The following FAM53A variants were observed in gnomAD, a reference collection of about 807,000 sequenced individuals.
FAM53A encodes the protein protein FAM53A.
FAM53A carries 28 observed loss-of-function variants against 26.6 expected under a neutral mutation model. The ratio of observed to expected loss-of-function variants is 1.05; its 90% CI spans 0.78 to 1.45. The LOEUF (loss-of-function observed/expected upper bound fraction) is 1.45. Ranked by LOEUF, FAM53A falls within the 40% of genes most tolerant of loss-of-function variation. FAM53A has a pLI of 0.00. For synonymous variants in FAM53A, 290 were observed against 253.1 expected (o/e 1.15, Z -1.38); for missense variants, 650 against 575.8 (o/e 1.13, Z -1.32).
At chr4:1,676,261 G>T (rs1393708306) in intron 1 of FAM53A, among the ~76,000 whole-genome samples, 1 of 152,110 alleles carries the variant, frequency 6.6e-6, no homozygotes, top group Non-Finnish European at 1.5e-5. Context: ...CTCCCTCCCG[G>T]CTCTGGCATC....
At chr4:1,683,368 T>C (rs1356538042) in intron 1 of FAM53A, 1 of 152,236 alleles carries the variant, frequency 6.6e-6, no homozygotes. Flanking sequence ...TCAGGTTAAA[T>C]TTCTTAAATA....
chr4:1,684,722 G>A (rs1202833207), upstream of FAM53A, among the ~76,000 whole-genome samples: 1 of 151,758 alleles, frequency 6.6e-6, no homozygotes, highest in Non-Finnish European at 1.5e-5. Flanking sequence ...CGGGGCCCGA[G>A]GCTCGCCGCC....
the FAM53A span, among the ~76,000 whole-genome samples, chr4:1,607,565 C>T: frequency 1.3e-5 from 2 of 151,836 alleles, no homozygotes; most frequent in South Asian, 4.2e-4. Context: ...TCCATTCGGG[C>T]CTAAGTGAGG....
the FAM53A span, among the ~76,000 whole-genome samples, chr4:1,578,831 G>C: frequency 3.3e-4 from 14 of 42,760 alleles, no homozygotes; most frequent in Non-Finnish European, 5.0e-5. Flanking sequence ...GAGGGGGAGG[G>C]GAGAGAAGAG....
chr4:1,599,004 G>A, the FAM53A span, among the ~76,000 whole-genome samples: 1 of 152,254 alleles, frequency 6.6e-6, no homozygotes, highest in South Asian at 2.1e-4. This position sits in a 1 kb window ranked among gnomAD's most constrained non-coding sequence, Gnocchi z 6.1. Context: ...GTGCGTGCGG[G>A]TGCAGCACCG....
intron 2 of FAM53A, among the ~76,000 whole-genome samples, chr4:1,660,730 T>C (rs1360753466): frequency 6.6e-6 from 1 of 151,446 alleles, no homozygotes; most frequent in Non-Finnish European, 1.5e-5. Flanking sequence ...CTACTAAAAA[T>C]ACAAAAAAAT....
At chr4:1,590,699 C>T in the FAM53A span, among the ~76,000 whole-genome samples, 1 of 151,544 alleles carries the variant, frequency 6.6e-6, no homozygotes, top group Non-Finnish European at 1.5e-5. Flanking sequence ...TAGCACATGG[C>T]CTGTTTTTGT....
the FAM53A span, among the ~76,000 whole-genome samples, chr4:1,583,208 G>C: frequency 6.6e-6 from 1 of 151,750 alleles, no homozygotes; most frequent in Admixed American, 6.5e-5. Flanking sequence ...AGAGGCTGTC[G>C]AGAGTGCACT....
the FAM53A span, among the ~76,000 whole-genome samples, chr4:1,576,743 C>G: frequency 6.6e-6 from 1 of 152,250 alleles, no homozygotes; most frequent in Non-Finnish European, 1.5e-5. Flanking sequence ...GGTCCACATT[C>G]TGGAGAGGTG....
intron 4 of FAM53A, chr4:1,644,555 C>T (rs1052517015): frequency 6.7e-5 from 36 of 538,438 alleles, no homozygotes; most frequent in African/African-American, 9.6e-5. Flanking sequence ...GCCACCCATC[C>T]GCCTCGCGCC....
downstream of FAM53A, among the ~76,000 whole-genome samples, chr4:1,617,667 T>G (rs1245375985): frequency 1.3e-5 from 2 of 152,196 alleles, no homozygotes; most frequent in East Asian, 1.9e-4. Context: ...CCATTTCTGT[T>G]CCGAGACCTG....
chr4:1,680,162 AT>A (rs1715320904), intron 1 of FAM53A, among the ~76,000 whole-genome samples: 1 of 151,670 alleles, frequency 6.6e-6, no homozygotes, highest in African/African-American at 2.4e-5. Flanking sequence ...TCTACTAAAA[AT>A]ACAAAATTAG....
At chr4:1,582,850 C>G in the FAM53A span, among the ~76,000 whole-genome samples, 1 of 152,148 alleles carries the variant, frequency 6.6e-6, no homozygotes, top group Admixed American at 6.6e-5. Context: ...GAGACCCTGT[C>G]TCAACTAAAG....
chr4:1,635,471 G>A (rs1251669720), downstream of FAM53A, among the ~76,000 whole-genome samples: 1 of 152,070 alleles, frequency 6.6e-6, no homozygotes, highest in Admixed American at 6.5e-5. Context: ...ACGAGGTCTT[G>A]CTATGTTGCC....
At chr4:1,638,838 G>C (rs561860703), downstream of FAM53A, among the ~76,000 whole-genome samples, 10 of 152,336 alleles carry the variant, frequency 6.6e-5, no homozygotes, top group East Asian at 1.9e-3. Context: ...AGGGGACTCA[G>C]GTAGCGAGAG....
At chr4:1,608,672 C>T in the FAM53A span, among the ~76,000 whole-genome samples, 4 of 152,200 alleles carry the variant, frequency 2.6e-5, no homozygotes, top group South Asian at 2.1e-4. Flanking sequence ...GTAACGGCTC[C>T]GGCACCTGAC....
intron 1 of FAM53A, among the ~76,000 whole-genome samples, chr4:1,679,802 A>G (rs917682726): frequency 6.6e-6 from 1 of 151,176 alleles, no homozygotes; most frequent in Non-Finnish European, 1.5e-5. Flanking sequence ...TAATCCCAGC[A>G]CTTTGGGAGA....
intron 1 of FAM53A, among the ~76,000 whole-genome samples, chr4:1,681,413 G>A (rs576494465): frequency 3.3e-5 from 5 of 152,148 alleles, no homozygotes; most frequent in African/African-American, 1.2e-4. Flanking sequence ...AAAGTGCTGG[G>A]ATTACAGGTG....
At chr4:1,648,747 T>C (rs765426651) in intron 4 of FAM53A, among the ~76,000 whole-genome samples, 1 of 152,196 alleles carries the variant, frequency 6.6e-6, no homozygotes, top group Admixed American at 6.5e-5. Context: ...TCAGGTGAGG[T>C]TGAGTCCCAG....
Sources: gnomAD v4.1 joint callset for allele counts (sites outside exome capture counted in the v4.1 genomes callset) on GRCh38, gnomAD v4.1.1 for gene constraint, Gnocchi (gnomAD v3.1) non-coding constraint, MANE v1.5 for transcripts, NCBI Gene and HGNC (gene_info 2026-07-23, HGNC 2026-07-21) for gene names.